Variants in DCDC1 observed in about 807,000 individuals in gnomAD.
DCDC1 encodes doublecortin domain containing 1, also known as doublecortin domain-containing protein 1.
A neutral mutation model predicts 178.3 loss-of-function variants in DCDC1; 200 were observed. That is an observed-to-expected ratio of 1.12 (90% CI 1.00 to 1.26). DCDC1 has a LOEUF of 1.26. Ranked by LOEUF, DCDC1 falls within the 50% of genes most tolerant of loss-of-function variation. The pLI is 0.00. For synonymous variants in DCDC1, 690 were observed against 604.8 expected, an observed-to-expected ratio of 1.14 and a Z score of -2.07; for missense variants, 1,983 against 1,749.2, an observed-to-expected ratio of 1.13 and a Z score of -2.38.
At chr11:31,244,888 T>G (rs915486244) in intron 8 of DCDC1, among the ~76,000 whole-genome samples, 5 of 151,750 alleles carry the variant, frequency 3.3e-5, no homozygotes, top group Non-Finnish European at 5.9e-5. Flanking sequence ...GAGCTAAGAC[T>G]GAGGCTGTTG....
intron 10 of DCDC1, among the ~76,000 whole-genome samples, chr11:31,135,593 G>C (rs1295095679): frequency 6.6e-6 from 1 of 152,080 alleles, no homozygotes; most frequent in East Asian, 1.9e-4. Context: ...ATTATCTTCA[G>C]AGGCTATGGA....
intron 20 of DCDC1, among the ~76,000 whole-genome samples, chr11:31,001,850 A>G (rs1951599059): frequency 6.6e-6 from 1 of 152,208 alleles, no homozygotes. Context: ...AAGATTTATA[A>G]GCTTGGTTTC....
intron 9 of DCDC1, among the ~76,000 whole-genome samples, chr11:31,142,728 A>C (rs1963979784): frequency 6.6e-6 from 1 of 152,150 alleles, no homozygotes; most frequent in African/African-American, 2.4e-5. Context: ...ATTTGATCTT[A>C]ATAATTGTTA....
chr11:31,113,440 T>TC (rs1297759513), intron 11 of DCDC1, among the ~76,000 whole-genome samples: 2 of 79,144 alleles, frequency 2.5e-5, no homozygotes, highest in Admixed American at 1.5e-4. Context: ...ACCTCCCCCC[T>TC]CCCCCCACCC....
chr11:31,088,824 A>G (rs1957626965), intron 17 of DCDC1, among the ~76,000 whole-genome samples: 1 of 152,052 alleles, frequency 6.6e-6, no homozygotes, highest in Non-Finnish European at 1.5e-5. Flanking sequence ...CAGCCTCCCA[A>G]GGAGCTGGAA....
In DCDC1 at chr11:31,368,942, ACACCACCAC is replaced by A. The variant is rs534970534; in HGVS notation, c.-125+746_-125+754del. On this transcript the variant is annotated intron_variant, in intron 1 of 38. Transcript: ENST00000684477. ...GGGAGAAGAAAGAAAGGTGAGAAAAACACCACCACCACCACCACCACCACCACCAGCAAC... is the reference window on the plus strand; with the variant it reads ...GGGAGAAGAAAGAAAGGTGAGAAAAACACCACCACCACCACCACCAGCAAC... 9.0e-4 allele frequency among the ~76,000 whole-genome samples: 137 copies of A among 151,710 alleles called. 2 individuals are homozygous for A. The highest frequency in any genetic ancestry group is 2.8e-3 in the African/African-American group (115 of 41,332).
chr11:31,198,562 C>T (rs750270380), intron 9 of DCDC1, among the ~76,000 whole-genome samples: 7 of 152,026 alleles, frequency 4.6e-5, no homozygotes, highest in Non-Finnish European at 7.4e-5. Flanking sequence ...TAAAATGCCA[C>T]TACTTGCTAG....
chr11:31,304,501 T>C (rs1484409194), intron 6 of DCDC1, among the ~76,000 whole-genome samples: 4 of 152,138 alleles, frequency 2.6e-5, no homozygotes, highest in South Asian at 2.1e-4. Flanking sequence ...TCAATGACCA[T>C]TATAGCAACA....
At chr11:30,934,380 A>G (rs985055417) in intron 21 of DCDC1, among the ~76,000 whole-genome samples, 5 of 152,180 alleles carry the variant, frequency 3.3e-5, no homozygotes, top group Admixed American at 6.5e-5. Context: ...TTCCGGTCCA[A>G]TTGGATGGTA....
At chr11:30,985,372 T>C (rs946230399) in intron 20 of DCDC1, among the ~76,000 whole-genome samples, 3 of 152,220 alleles carry the variant, frequency 2.0e-5, no homozygotes, top group Admixed American at 2.0e-4. Flanking sequence ...ATCTCTCTTT[T>C]TATTATAGAA....
rs538819698 is a variant in DCDC1 at position 30,911,278 on chromosome 11, T to A, written c.3747+49A>T. ...CTACAAGGAAGCACAAAGCTTTACT[T>A]AAATTTAATTAAAAGGCCATGACTA... On this transcript the variant is annotated intron_variant, in intron 28 of 38. Transcript: ENST00000684477. 3.8e-4 allele frequency: 560 copies of A among 1,482,854 alleles called. 1 individual carries two copies. The Middle Eastern group carries it at 6.5e-3, about 17-fold the overall frequency. The allele number at this position is 1,482,854 out of a possible 1,614,324, so 91.9% of individuals were successfully genotyped here.
intron 7 of DCDC1, among the ~76,000 whole-genome samples, chr11:31,286,910 T>C (rs1946878322): frequency 6.6e-6 from 1 of 152,008 alleles, no homozygotes; most frequent in Admixed American, 6.6e-5. Context: ...AAAGTGAAAC[T>C]CTTAGCCCCC....
chr11:31,205,137 C>G (rs890504965), intron 9 of DCDC1, among the ~76,000 whole-genome samples: 3 of 152,184 alleles, frequency 2.0e-5, no homozygotes, highest in Non-Finnish European at 4.4e-5. Context: ...ATAAGATAAT[C>G]ATATTATAGC....
chr11:30,886,119 GA>G (rs994490323), intron 36 of DCDC1, among the ~76,000 whole-genome samples: 19 of 149,710 alleles, frequency 1.3e-4, no homozygotes, highest in South Asian at 4.2e-4. Flanking sequence ...GATCACAAAG[GA>G]AAAAAAAATT....
intron 17 of DCDC1, among the ~76,000 whole-genome samples, chr11:31,085,229 G>A (rs1007579530): frequency 2.7e-5 from 4 of 150,460 alleles, no homozygotes; most frequent in Non-Finnish European, 5.9e-5. Flanking sequence ...TGCACAATTA[G>A]TAGGCACATA....
At chr11:30,901,969 C>T (rs1038770080) in intron 32 of DCDC1, among the ~76,000 whole-genome samples, 4 of 151,942 alleles carry the variant, frequency 2.6e-5, no homozygotes, top group African/African-American at 9.7e-5. Flanking sequence ...TATATAAATA[C>T]ACAAATGACT....
At chr11:31,295,820 G>A (rs1947646500) in intron 6 of DCDC1, among the ~76,000 whole-genome samples, 1 of 152,078 alleles carries the variant, frequency 6.6e-6, no homozygotes, top group Admixed American at 6.5e-5. Context: ...GTAAAGGAAG[G>A]GAGGGAGACC....
chr11:31,093,765 G>A (rs1591020149), intron 16 of DCDC1, among the ~76,000 whole-genome samples: 1 of 152,288 alleles, frequency 6.6e-6, no homozygotes, highest in East Asian at 1.9e-4. Flanking sequence ...TCATGAAAAT[G>A]ATGAGTCTGT....
At chr11:31,107,612 G>C (rs1457570877) in intron 12 of DCDC1, among the ~76,000 whole-genome samples, 1 of 152,132 alleles carries the variant, frequency 6.6e-6, no homozygotes, top group Non-Finnish European at 1.5e-5. Context: ...ATCAGTGTTT[G>C]CTTCTATCTT....
Sources: allele counts gnomAD v4.1 joint callset (sites outside exome capture counted in the v4.1 genomes callset), GRCh38; gene constraint gnomAD v4.1.1; transcripts MANE v1.5; gene names NCBI Gene and HGNC (gene_info 2026-07-23, HGNC 2026-07-21).